EPC2: variants seen among roughly 807,000 people sequenced by gnomAD.
EPC2 encodes enhancer of polycomb homolog 2.
Under a neutral mutation model 92.1 loss-of-function variants are expected in EPC2, and 14 were observed. That is an observed-to-expected ratio of 0.15 (90% CI 0.10 to 0.24). The LOEUF (loss-of-function observed/expected upper bound fraction) is 0.24. EPC2 is among the 10% of genes least tolerant of loss of function. The pLI is 1.00. For missense variants in EPC2, 755 were observed against 971.5 expected (o/e 0.78, Z 2.96); for synonymous variants, 340 against 334.7 (o/e 1.02, Z -0.17).
chr2:148,710,996 T>C lies in EPC2; in HGVS notation c.313+20623T>C, dbSNP rs151208056. ...TTTCATTCAGTCTCTCTTTTTGTTTTAGCCTGGGTAGAGGCTTATTGATTT... is the reference window on the plus strand; with the variant it reads ...TTTCATTCAGTCTCTCTTTTTGTTTCAGCCTGGGTAGAGGCTTATTGATTT... On this transcript the variant is annotated intron_variant, in intron 2 of 13. Coordinates refer to ENST00000258484, the MANE Select transcript of EPC2 (RefSeq NM_015630.4). 5.7e-3 allele frequency among the ~76,000 whole-genome samples: 862 copies of C among 152,324 alleles called. 14 individuals are homozygous for C. The highest frequency in any genetic ancestry group is 0.051 in the South Asian group (246 of 4,826).
intron 1 of EPC2, among the ~76,000 whole-genome samples, chr2:148,688,892 T>G (rs1458811505): frequency 3.0e-4 from 45 of 152,020 alleles, no homozygotes; most frequent in African/African-American, 9.4e-4. Flanking sequence ...AGTAAACAAA[T>G]GAGATCTTTA....
Position 148,761,893 on chromosome 2 carries a change from G to C in EPC2, c.778G>C (p.Glu260Gln). Residue 260 changes from glutamate to glutamine, a missense_variant, in exon 5 of 14, where the codon GAA becomes CAA. Around this residue, in one of 4 missense-constraint regions of EPC2, gnomAD observed 509 missense variants for 607.7 expected, o/e 0.84. Coordinates refer to ENST00000258484, the MANE Select transcript of EPC2 (RefSeq NM_015630.4). Reference protein sequence around the residue: ...MIKRREKTKRELLHLTLEVVE... With the variant: ...MIKRREKTKRQLLHLTLEVVE... ...TAAGAGAAGAGAGAAAACAAAACGA[G>C]AATTATTGCACTTAACCTTAGAAGT... is the stretch of plus-strand genomic sequence containing the variant. 6.3e-7 allele frequency: 1 copy of C among 1,598,676 alleles called. No individual in the cohort carries two copies. Among genetic ancestry groups the C allele is most frequent in the Non-Finnish European group, 8.5e-7 (1 of 1,174,764 alleles).
At position 148,688,751 on chromosome 2, in the gene EPC2, C is replaced by T. The variant is rs552508769; in HGVS notation, c.154-1463C>T. On this transcript the variant is annotated intron_variant, in intron 1 of 13. Transcript: ENST00000258484. Reference sequence around the variant, plus strand: ...GAATCCAGTAAAGATTTCATTTATTCATTCAGTTAATGTATGTTAAGCAGC... The same window carrying T: ...GAATCCAGTAAAGATTTCATTTATTTATTCAGTTAATGTATGTTAAGCAGC... 6.4e-4 allele frequency among the ~76,000 whole-genome samples: 98 copies of T among 152,224 alleles called. No homozygotes were observed. In the South Asian group the frequency reaches 7.7e-3, roughly 12 times the overall value.
chr2:148,768,547 GCTTA>G (rs1683458212), intron 7 of EPC2, among the ~76,000 whole-genome samples: 1 of 152,080 alleles, frequency 6.6e-6, no homozygotes, highest in Non-Finnish European at 1.5e-5. Context: ...TAACCAATGT[GCTTA>G]CTTTAGCAAG....
intron 2 of EPC2, among the ~76,000 whole-genome samples, chr2:148,705,407 C>A (rs78914373): frequency 6.6e-6 from 1 of 152,156 alleles, no homozygotes; most frequent in East Asian, 1.9e-4. Context: ...CTGGTCTGCA[C>A]CTCCCAGCGT....
intron 4 of EPC2, among the ~76,000 whole-genome samples, chr2:148,757,735 G>C (rs376898105): frequency 6.6e-6 from 1 of 151,998 alleles, no homozygotes; most frequent in African/African-American, 2.4e-5. Flanking sequence ...TACTCAGGAG[G>C]CTGAGGCAGG....
chr2:148,727,781 C>T (rs1435735397), intron 2 of EPC2, among the ~76,000 whole-genome samples: 1 of 152,086 alleles, frequency 6.6e-6, no homozygotes, highest in East Asian at 1.9e-4. Context: ...TTTTAAAACA[C>T]AAAATTATCT....
chr2:148,784,643 G>A, intron 12 of EPC2, 25 bp from the exon 13 acceptor site: 3 of 1,509,056 alleles, frequency 2.0e-6, no homozygotes, highest in Non-Finnish European at 2.7e-6. Context: ...CATGATACTA[G>A]TTGAATGACT....
chr2:148,670,020 C>T (rs560654712), intron 1 of EPC2, among the ~76,000 whole-genome samples: 1 of 152,284 alleles, frequency 6.6e-6, no homozygotes, highest in Admixed American at 6.5e-5. Flanking sequence ...CTCCTGGGTT[C>T]TTTCTCCGTG....
At chr2:148,726,860 T>C (rs1367222686) in intron 2 of EPC2, among the ~76,000 whole-genome samples, 1 of 151,606 alleles carries the variant, frequency 6.6e-6, no homozygotes, top group African/African-American at 2.4e-5. Context: ...TTTGCAGATA[T>C]TTTTCCCTTT....
At chr2:148,757,569 G>A (rs889001440) in intron 4 of EPC2, among the ~76,000 whole-genome samples, 6 of 152,038 alleles carry the variant, frequency 3.9e-5, no homozygotes, top group African/African-American at 1.4e-4. Flanking sequence ...TGGGCATGGA[G>A]CCTCAGGCCT....
chr2:148,776,958 G>A (rs940198063), intron 10 of EPC2, among the ~76,000 whole-genome samples: 5 of 147,988 alleles, frequency 3.4e-5, no homozygotes, highest in African/African-American at 4.9e-5. Flanking sequence ...CCTCCCAGGC[G>A]AAGCAATTTT....
chr2:148,662,576 C>T (rs1051020947), intron 1 of EPC2, among the ~76,000 whole-genome samples: 3 of 151,928 alleles, frequency 2.0e-5, no homozygotes, highest in Non-Finnish European at 2.9e-5. Flanking sequence ...GACAAAAAAC[C>T]AAACACCGCG....
intron 2 of EPC2, among the ~76,000 whole-genome samples, chr2:148,696,632 A>G (rs1403009336): frequency 1.3e-5 from 2 of 152,214 alleles, no homozygotes; most frequent in Admixed American, 1.3e-4. Flanking sequence ...GTCTTCAAGC[A>G]TTTTGAACCC....
At position 148,725,335 on chromosome 2, in the gene EPC2, C is replaced by T. The variant is rs187260491; in HGVS notation, c.314-18287C>T. On this transcript the variant is annotated intron_variant, in intron 2 of 13. Transcript: ENST00000258484. ...AAATGTTAACACTTAACAATATTTG[C>T]TTTCTGTTTTTTTAACTCTTTCTCT... Among the ~76,000 whole-genome samples the T allele has an allele frequency of 1.3e-3, 198 of 151,936 alleles. 2 individuals carry two copies. The highest frequency in any genetic ancestry group is 2.5e-3 in the Non-Finnish European group (167 of 67,854).
intron 10 of EPC2, among the ~76,000 whole-genome samples, chr2:148,776,424 C>T (rs1683646503): frequency 6.6e-6 from 1 of 152,066 alleles, no homozygotes; most frequent in East Asian, 1.9e-4. Context: ...CTTCATTCCC[C>T]AACCCCCCTT....
intron 2 of EPC2, among the ~76,000 whole-genome samples, chr2:148,727,091 G>T (rs1290220753): frequency 1.3e-5 from 2 of 151,944 alleles, no homozygotes; most frequent in Non-Finnish European, 2.9e-5. Flanking sequence ...TAATCCATTT[G>T]GGGTTGATTT....
intron 2 of EPC2, among the ~76,000 whole-genome samples, chr2:148,729,031 CAAAAAAAAA>C (rs376309552): frequency 1.0e-3 from 65 of 63,658 alleles, no homozygotes; most frequent in East Asian, 4.9e-3. Context: ...AACTCCATCT[CAAAAAAAAA>C]AAAAAAAAAA....
intron 3 of EPC2, 86 bp from the exon 4 acceptor site, chr2:148,753,841 G>A: frequency 9.2e-7 from 1 of 1,081,528 alleles, no homozygotes; most frequent in Non-Finnish European, 1.3e-6. Context: ...ATTGAAACTG[G>A]TCGCATTTTT....
Sources: allele counts gnomAD v4.1 joint callset (sites outside exome capture counted in the v4.1 genomes callset), GRCh38; gene constraint gnomAD v4.1.1; regional missense constraint gnomAD v4.1.1; transcripts MANE v1.5; gene names NCBI Gene and HGNC (gene_info 2026-07-23, HGNC 2026-07-21).